AFG2A: variants seen among roughly 807,000 people sequenced by gnomAD.
AFG2A encodes ATPase family gene 2 protein homolog A.
At chr4:122,990,224 C>G in the AFG2A span, among the ~76,000 whole-genome samples, 1 of 152,118 alleles carries the variant, frequency 6.6e-6, no homozygotes, top group Non-Finnish European at 1.5e-5. Context: ...GATTCCTTAG[C>G]TGTTGTGAAG....
chr4:123,112,919 T>G, the AFG2A span, among the ~76,000 whole-genome samples: 1 of 152,218 alleles, frequency 6.6e-6, no homozygotes, highest in Admixed American at 6.5e-5. Context: ...CATTAGATTT[T>G]AAAGGCTTAT....
chr4:122,976,105 A>G, the AFG2A span, among the ~76,000 whole-genome samples: 1 of 152,170 alleles, frequency 6.6e-6, no homozygotes, highest in Non-Finnish European at 1.5e-5. Context: ...AAATGTATTG[A>G]GGTATAGTGT....
the AFG2A span, among the ~76,000 whole-genome samples, chr4:122,931,348 AT>A: frequency 6.6e-6 from 1 of 152,116 alleles, no homozygotes; most frequent in African/African-American, 2.4e-5. Context: ...TTATATGAAT[AT>A]ATAGTTGATT....
chr4:123,037,645 T>G, the AFG2A span, among the ~76,000 whole-genome samples: 1 of 152,126 alleles, frequency 6.6e-6, no homozygotes, highest in African/African-American at 2.4e-5. Flanking sequence ...ATTTTCAAAT[T>G]AGCCTATGCT....
the AFG2A span, among the ~76,000 whole-genome samples, chr4:122,925,590 A>G: frequency 2.6e-5 from 4 of 152,306 alleles, no homozygotes; most frequent in Non-Finnish European, 4.4e-5. Flanking sequence ...GCTGAGAATT[A>G]TCTTTTTCTT....
the AFG2A span, among the ~76,000 whole-genome samples, chr4:123,017,934 C>T: frequency 1.3e-5 from 2 of 152,214 alleles, no homozygotes; most frequent in African/African-American, 2.4e-5. Context: ...CCTGGAGCTA[C>T]GGAATTCCTC....
the AFG2A span, among the ~76,000 whole-genome samples, chr4:123,057,917 A>T: frequency 6.6e-6 from 1 of 152,148 alleles, no homozygotes; most frequent in South Asian, 2.1e-4. Flanking sequence ...ATGTTGGGTA[A>T]TGTAAATTCA....
At chr4:123,177,776 A>C in the AFG2A span, among the ~76,000 whole-genome samples, 1 of 152,082 alleles carries the variant, frequency 6.6e-6, no homozygotes, top group Non-Finnish European at 1.5e-5. Context: ...ATTATGCTTT[A>C]CTTTGCCCTT....
At chr4:123,195,145 A>G in the AFG2A span, among the ~76,000 whole-genome samples, 1 of 152,198 alleles carries the variant, frequency 6.6e-6, no homozygotes, top group Non-Finnish European at 1.5e-5. Flanking sequence ...CAGTTAGTCA[A>G]TTAAAAAACA....
the AFG2A span, among the ~76,000 whole-genome samples, chr4:123,234,351 G>A: frequency 6.6e-6 from 1 of 151,896 alleles, no homozygotes; most frequent in Non-Finnish European, 1.5e-5. Flanking sequence ...TTCCCTTTTT[G>A]TAAATTGACT....
the AFG2A span, among the ~76,000 whole-genome samples, chr4:123,137,430 C>T: frequency 6.6e-6 from 1 of 152,146 alleles, no homozygotes; most frequent in African/African-American, 2.4e-5. Context: ...TTCTTAGATG[C>T]ATTCACATTT....
the AFG2A span, among the ~76,000 whole-genome samples, chr4:123,064,483 T>A: frequency 6.6e-6 from 1 of 152,246 alleles, no homozygotes; most frequent in East Asian, 1.9e-4. Context: ...CAGTTGACTC[T>A]AGTACTTTGT....
chr4:123,181,323 A>T, the AFG2A span, among the ~76,000 whole-genome samples: 68 of 151,968 alleles, frequency 4.5e-4, no homozygotes, highest in East Asian at 0.012. Flanking sequence ...TTAAAAATGT[A>T]GAAGCTGGCC....
the AFG2A span, among the ~76,000 whole-genome samples, chr4:123,102,798 C>CTGTGTGTGTG: frequency 0.03 from 4,255 of 141,156 alleles, 82 homozygotes; most frequent in African/African-American, 0.036. Context: ...TCCTGGCATT[C>CTGTGTGTGTG]TGTGTGTGTG....
At chr4:122,923,338 A>T in the AFG2A span, 22 of 1,612,012 alleles carry the variant, frequency 1.4e-5, no homozygotes, top group Non-Finnish European at 1.9e-5. Flanking sequence ...CTAGAGGCCG[A>T]GGGGGCGCAA....
chr4:123,307,888 G>C, the AFG2A span, among the ~76,000 whole-genome samples: 10 of 152,176 alleles, frequency 6.6e-5, no homozygotes, highest in Admixed American at 2.0e-4. Flanking sequence ...CAATAGAATA[G>C]ACCCTATAGC....
chr4:123,293,343 T>C, the AFG2A span, among the ~76,000 whole-genome samples: 1 of 152,168 alleles, frequency 6.6e-6, no homozygotes, highest in Non-Finnish European at 1.5e-5. Context: ...TCTGTGCCTC[T>C]GCTGAAAGAA....
the AFG2A span, among the ~76,000 whole-genome samples, chr4:123,292,237 T>C: frequency 1.3e-5 from 2 of 152,338 alleles, no homozygotes; most frequent in East Asian, 1.9e-4. Flanking sequence ...CTTCAAAATA[T>C]GTCTCTTTAG....
At chr4:123,033,634 G>A in the AFG2A span, among the ~76,000 whole-genome samples, 1 of 152,144 alleles carries the variant, frequency 6.6e-6, no homozygotes, top group Admixed American at 6.5e-5. Context: ...ACTGATGGTG[G>A]GATAATGGGG....
Sources: allele counts gnomAD v4.1 joint callset (sites outside exome capture counted in the v4.1 genomes callset), GRCh38; gene constraint gnomAD v4.1.1; transcripts MANE v1.5; gene names NCBI Gene and HGNC (gene_info 2026-07-23, HGNC 2026-07-21).